Variants in MDGA2 observed in about 807,000 individuals in gnomAD.
MDGA2 encodes the protein MAM domain-containing glycosylphosphatidylinositol anchor protein 2.
MDGA2 carries 40 observed loss-of-function variants against 117.8 expected under a neutral mutation model. That is an observed-to-expected ratio of 0.34 (90% confidence interval 0.26 to 0.44). The LOEUF is 0.44. Among genes scored for constraint, MDGA2 ranks in the 20% least tolerant of loss-of-function variants. The pLI is 1.00. For missense variants in MDGA2, 1,123 were observed against 1,250.6 expected (o/e 0.90, Z 1.54); for synonymous variants, 452 against 439.0 (o/e 1.03, Z -0.37).
At chr14:46,872,897 C>T (rs1882068510) in intron 14 of MDGA2, among the ~76,000 whole-genome samples, 1 of 151,738 alleles carries the variant, frequency 6.6e-6, no homozygotes, top group Admixed American at 6.6e-5. Flanking sequence ...TGTACAAGGT[C>T]TCAAGGGAAG....
At chr14:47,536,166 G>A (rs1365154460) in intron 1 of MDGA2, among the ~76,000 whole-genome samples, 1 of 152,182 alleles carries the variant, frequency 6.6e-6, no homozygotes, top group African/African-American at 2.4e-5. Context: ...CCAAAACAAT[G>A]GGTGTGGATG....
At chr14:47,071,199 T>C (rs542693251) in intron 6 of MDGA2, among the ~76,000 whole-genome samples, 9 of 152,280 alleles carry the variant, frequency 5.9e-5, no homozygotes, top group Admixed American at 5.9e-4. Context: ...TGCTCAAAGA[T>C]GGAATGTCAT....
rs567492772 is a variant in MDGA2 at position 47,045,799 on chromosome 14, T to G, written c.1526-10495A>C. ...GGCCAACATGCAGTAACCTTGTCTC[T>G]ACTAAAAATACAAAAATTAGCCGGG... On this transcript the variant is annotated intron_variant, in intron 7 of 16. Coordinates refer to ENST00000399232, the MANE Select transcript of MDGA2 (RefSeq NM_001113498.3). 4.1e-4 allele frequency among the ~76,000 whole-genome samples: 63 copies of G among 152,130 alleles called. No homozygotes were observed. In the East Asian group the frequency reaches 0.011, roughly 28 times the overall value.
At chr14:47,191,121 C>G (rs935120681) in intron 3 of MDGA2, among the ~76,000 whole-genome samples, 1 of 151,926 alleles carries the variant, frequency 6.6e-6, no homozygotes, top group African/African-American at 2.4e-5. Flanking sequence ...TTTAGCCACT[C>G]TAACATATAT....
At chr14:47,041,171 G>A (rs1889052720) in intron 7 of MDGA2, among the ~76,000 whole-genome samples, 5 of 151,818 alleles carry the variant, frequency 3.3e-5, no homozygotes, top group Admixed American at 2.6e-4. Flanking sequence ...GAGATGTGTG[G>A]GTGTGTGAAA....
intron 1 of MDGA2, among the ~76,000 whole-genome samples, chr14:47,571,312 T>C (rs1380339933): frequency 2.0e-5 from 3 of 152,188 alleles, no homozygotes; most frequent in Admixed American, 2.0e-4. Context: ...GGTGGGAGTG[T>C]AAATTAGTTC....
intron 8 of MDGA2, among the ~76,000 whole-genome samples, chr14:46,976,970 A>G (rs1886485435): frequency 6.6e-6 from 1 of 151,964 alleles, no homozygotes. Flanking sequence ...TTCAAACTTC[A>G]TCATTCTCAT....
chr14:46,863,352 A>T (rs1272902862), intron 14 of MDGA2, among the ~76,000 whole-genome samples: 1 of 152,154 alleles, frequency 6.6e-6, no homozygotes, highest in Non-Finnish European at 1.5e-5. Flanking sequence ...CAAAAAGATG[A>T]TGAACTATTT....
chr14:47,181,553 C>T lies in MDGA2; in HGVS notation c.595+36468G>A, dbSNP rs777250674. 2.0e-4 allele frequency among the ~76,000 whole-genome samples: 30 copies of T among 152,298 alleles called. No homozygotes were observed. In the East Asian group the frequency reaches 2.3e-3, roughly 12 times the overall value. ...GAATCCTTTCATTTATATCACTATG[C>T]TTTTACTTAATCACAAATACATTAA... On this transcript the variant is annotated intron_variant, in intron 3 of 16. Transcript: ENST00000399232.
chr14:47,462,593 A>G (rs1893513251), intron 1 of MDGA2, among the ~76,000 whole-genome samples: 1 of 152,166 alleles, frequency 6.6e-6, no homozygotes, highest in South Asian at 2.1e-4. Flanking sequence ...TAAAAATACA[A>G]ACTGTTGTTA....
intron 10 of MDGA2, among the ~76,000 whole-genome samples, chr14:46,915,073 T>C (rs564201286): frequency 2.8e-4 from 42 of 152,178 alleles, no homozygotes; most frequent in Non-Finnish European, 4.9e-4. Flanking sequence ...AAGTTATGTT[T>C]ACTATGTTCA....
At chr14:46,865,062 A>G (rs1469080464) in intron 14 of MDGA2, among the ~76,000 whole-genome samples, 1 of 152,116 alleles carries the variant, frequency 6.6e-6, no homozygotes, top group Non-Finnish European at 1.5e-5. Context: ...ATTTGAGAAT[A>G]TATTTGATAT....
intron 9 of MDGA2, among the ~76,000 whole-genome samples, chr14:46,955,330 G>T (rs1306050730): frequency 1.3e-5 from 2 of 151,930 alleles, no homozygotes. Flanking sequence ...ATGAAAAATG[G>T]CATCTGGGTT....
intron 1 of MDGA2, among the ~76,000 whole-genome samples, chr14:47,338,839 T>C (rs1890535986): frequency 6.6e-6 from 1 of 152,102 alleles, no homozygotes. Flanking sequence ...AACCCAGTAG[T>C]GAATATTTTC....
chr14:47,213,954 A>G (rs569168837), intron 3 of MDGA2, among the ~76,000 whole-genome samples: 42 of 152,240 alleles, frequency 2.8e-4, no homozygotes, highest in African/African-American at 8.2e-4. Flanking sequence ...ACAGAATGGA[A>G]AGAGTACCTT....
chr14:47,385,139 C>G (rs1335738445), intron 1 of MDGA2, among the ~76,000 whole-genome samples: 1 of 151,924 alleles, frequency 6.6e-6, no homozygotes, highest in East Asian at 1.9e-4. Flanking sequence ...ATAATAAAAC[C>G]AATTAGATTT....
intron 1 of MDGA2, among the ~76,000 whole-genome samples, chr14:47,557,867 CA>C (rs1230847420): frequency 6.6e-6 from 1 of 152,086 alleles, no homozygotes; most frequent in Non-Finnish European, 1.5e-5. Context: ...TTTGTACATT[CA>C]AAACTCACCT....
intron 8 of MDGA2, among the ~76,000 whole-genome samples, chr14:46,985,495 T>C (rs1162608812): frequency 2.0e-5 from 3 of 152,002 alleles, no homozygotes. Context: ...TGGAGAAGAG[T>C]AAATTTTGTG....
chr14:47,329,774 C>T (rs182015105), intron 1 of MDGA2, among the ~76,000 whole-genome samples: 43 of 151,844 alleles, frequency 2.8e-4, no homozygotes, highest in Admixed American at 2.8e-3. Flanking sequence ...GTGAAAAATA[C>T]ATACAAAAAT....
Sources: allele counts gnomAD v4.1 joint callset (sites outside exome capture counted in the v4.1 genomes callset), GRCh38; gene constraint gnomAD v4.1.1; transcripts MANE v1.5; gene names NCBI Gene and HGNC (gene_info 2026-07-23, HGNC 2026-07-21).